Variants in OR5H15 observed in about 807,000 individuals in gnomAD.
OR5H15 encodes olfactory receptor family 5 subfamily H member 15.
For synonymous variants in OR5H15, 153 were observed against 129.1 expected (o/e 1.19, Z -1.26); for missense variants, 405 against 366.1 (o/e 1.11, Z -0.87).
rs149765840 is a variant in OR5H15, at chr3:98,169,030, G to A, written c.331G>A (p.Glu111Lys). 1.3e-3 allele frequency: 2,134 copies of A among 1,613,636 alleles called. 9 individuals are homozygous for A. Among genetic ancestry groups the A allele is most frequent in the Non-Finnish European group, 9.0e-4 (1,067 of 1,179,668 alleles). Reference protein sequence around the residue: ...FFSIAIGVTTECFLLATMAYD... With the variant: ...FFSIAIGVTTKCFLLATMAYD... ...TTCCATTGCAATTGGCGTAACCACA[G>A]AATGTTTTCTCTTGGCAACAATGGC... Residue 111 changes from glutamate to lysine, a missense_variant, in exon 2 of 2, where the codon GAA (glutamate) becomes AAA (lysine). Transcript: ENST00000641450.
Position 98,168,874 on chromosome 3 carries a change from A to C in OR5H15, c.175A>C (p.Met59Leu). ...GAAAGACCCTCACCTTCATATCCCA[A>C]TGTACTTACTCCTTGGGAATTTAGC... is the stretch of plus-strand genomic sequence containing the variant. The part of the protein sequence containing the change: ...IWKDPHLHIP[M>L]YLLLGNLAFV... The change falls in exon 2 of 2, where the codon ATG (methionine) becomes CTG (leucine). Residue 59 changes from methionine to leucine, a missense_variant. Physicochemically the swap from Met to Leu is conservative, Grantham distance 15. Transcript: ENST00000641450. 1 of 1,613,414 alleles carries C rather than the reference A, an allele frequency of 6.2e-7. No homozygotes were observed. Among genetic ancestry groups the C allele is most frequent in the Non-Finnish European group, 8.5e-7 (1 of 1,179,538 alleles).
intron 1 of OR5H15, among the ~76,000 whole-genome samples, chr3:98,167,333 T>C (rs200716992): frequency 6.6e-6 from 1 of 152,006 alleles, no homozygotes; most frequent in Non-Finnish European, 1.5e-5. Context: ...TCCTGGTATG[T>C]CCACCTTGAT....
In OR5H15 at chr3:98,169,535, C is replaced by G. The variant is rs1379804884; in HGVS notation, c.836C>G (p.Thr279Ser). 2 of 1,612,848 alleles carry G rather than the reference C, an allele frequency of 1.2e-6. No individual in the cohort carries two copies. Among genetic ancestry groups the G allele is most frequent in the Admixed American group, 1.7e-5 (1 of 59,896 alleles). ...GQNMVEPLFY[T>S]VIIPLLNPII... is the part of the protein sequence containing the mutation. Reference sequence around the variant, plus strand: ...AATATGGTGGAGCCTCTATTCTACACTGTCATCATTCCTTTGTTAAATCCT... The same window carrying G: ...AATATGGTGGAGCCTCTATTCTACAGTGTCATCATTCCTTTGTTAAATCCT... The change falls in exon 2 of 2, where the codon ACT becomes AGT. Residue 279 changes from threonine (T) to serine (S), a missense_variant. By Grantham distance (58) the Thr-to-Ser change is moderately conservative. Transcript: ENST00000641450.
At position 98,169,554 on chromosome 3, in the gene OR5H15, A is replaced by G; in HGVS notation, c.855A>G (p.Leu285=). Residue 285 remains leucine (L), a synonymous_variant, in exon 2 of 2, where the codon TTA becomes TTG. Coordinates refer to ENST00000641450, the MANE Select transcript of OR5H15 (RefSeq NM_001005515.2). Reference sequence around the variant, plus strand: ...TCTACACTGTCATCATTCCTTTGTTAAATCCTATCATCTACAGTCTGAGAA... The same window carrying G: ...TCTACACTGTCATCATTCCTTTGTTGAATCCTATCATCTACAGTCTGAGAA... ...PLFYTVIIPL[L]NPIIYSLRNK... 6.2e-7 allele frequency: 1 copy of G among 1,612,322 alleles called. No individual in the cohort carries two copies. Among genetic ancestry groups the G allele is most frequent in the Non-Finnish European group, 8.5e-7 (1 of 1,178,596 alleles).
chr3:98,168,942 G>A lies in OR5H15; in HGVS notation c.243G>A (p.Met81Ile), dbSNP rs1206850152. Residue 81 changes from methionine to isoleucine, a missense_variant, in exon 2 of 2, where the codon ATG becomes ATA. Physicochemically the swap from Met to Ile is conservative, Grantham distance 10. Coordinates refer to ENST00000641450, the MANE Select transcript of OR5H15 (RefSeq NM_001005515.2). Reference protein sequence around the residue: ...AWISSTVTPKMLNNFLAKSKM... With the variant: ...AWISSTVTPKILNNFLAKSKM... ...TATCATCCACAGTGACCCCAAAGAT[G>A]CTGAATAACTTCTTAGCTAAGAGTA... 6 of 1,613,400 alleles carry A rather than the reference G, an allele frequency of 3.7e-6. No individual in the cohort carries two copies. Among genetic ancestry groups the A allele is most frequent in the East Asian group, 4.5e-5 (2 of 44,838 alleles).
Position 98,168,687 on chromosome 3 carries a change from A to G in OR5H15, c.-13A>G. On this transcript the variant is annotated 5_prime_UTR_variant, in exon 2 of 2. An upstream start codon of the reference 5' UTR is lost. Transcript: ENST00000641450. ...TTTGTTGCATTTTATTTTAGAGGAC[A>G]TGCAGTGAGGACATGGAAGAGGAAA... 7 of 1,611,074 alleles carry G rather than the reference A, an allele frequency of 4.3e-6. No individual in the cohort carries two copies. Among genetic ancestry groups the G allele is most frequent in the Non-Finnish European group, 5.9e-6 (7 of 1,178,042 alleles).
At position 98,169,657 on chromosome 3, in the gene OR5H15, T is replaced by A. The variant is rs1288915272; in HGVS notation, c.*16T>A. ...TTCATACTAATATCCTTTTTCTATTTACTAAAATAGTCACAAAATTACGCA... is the reference window on the plus strand; with the variant it reads ...TTCATACTAATATCCTTTTTCTATTAACTAAAATAGTCACAAAATTACGCA... On this transcript the variant is annotated 3_prime_UTR_variant, in exon 2 of 2. Transcript: ENST00000641450. 1.3e-6 allele frequency: 2 copies of A among 1,542,482 alleles called. No homozygotes were observed. The highest frequency in any genetic ancestry group is 1.8e-6 in the Non-Finnish European group (2 of 1,125,314).
At position 98,169,124 on chromosome 3, in the gene OR5H15, T is replaced by A. The variant is rs754897196; in HGVS notation, c.425T>A (p.Ile142Asn). 12 of 1,613,594 alleles carry A rather than the reference T, an allele frequency of 7.4e-6. No homozygotes were observed. The highest frequency in any genetic ancestry group is 9.3e-6 in the Non-Finnish European group (11 of 1,179,644). The change falls in exon 2 of 2, where the codon ATC becomes AAC. Residue 142 changes from isoleucine (I) to asparagine (N), a missense_variant. Physicochemically the swap from Ile to Asn is moderately radical, Grantham distance 149. Coordinates refer to ENST00000641450, the MANE Select transcript of OR5H15 (RefSeq NM_001005515.2). ...YPAIMTNGLC[I>N]RLLILSYIAG... is the part of the protein sequence containing the mutation. Reference sequence around the variant, plus strand: ...GCCATTATGACCAATGGACTGTGCATCCGGCTATTAATCTTGTCATATATA... The same window carrying A: ...GCCATTATGACCAATGGACTGTGCAACCGGCTATTAATCTTGTCATATATA...
At position 98,169,392 on chromosome 3, in the gene OR5H15, T is replaced by A. The variant is rs1197070892; in HGVS notation, c.693T>A (p.Asp231Glu). 1 of 1,613,440 alleles carries A rather than the reference T, an allele frequency of 6.2e-7. No individual in the cohort carries two copies. Among genetic ancestry groups the A allele is most frequent in the South Asian group, 1.1e-5 (1 of 91,064 alleles). Residue 231 changes from aspartate to glutamate, a missense_variant, in exon 2 of 2, where the codon GAT becomes GAA. Coordinates refer to ENST00000641450, the MANE Select transcript of OR5H15 (RefSeq NM_001005515.2). ...VLFTVLEKKS[D>E]KGVRKAFSTC... ...TCACAGTCTTAGAAAAGAAATCTGA[T>A]AAGGGTGTAAGGAAAGCCTTTTCCA...
chr3:98,168,568 C>A (rs1318099413), intron 1 of OR5H15, 114 bp from the exon 2 acceptor site: 7 of 1,197,926 alleles, frequency 5.8e-6, no homozygotes, highest in Non-Finnish European at 8.2e-6. Flanking sequence ...TAGGACTGAT[C>A]AAAAAATTGA....
chr3:98,167,362 C>A (rs1182076475), intron 1 of OR5H15, among the ~76,000 whole-genome samples: 1 of 144,876 alleles, frequency 6.9e-6, no homozygotes, highest in East Asian at 1.9e-4. Flanking sequence ...AAACCAAAAT[C>A]TTTTGTCCCT....
chr3:98,166,702 A>T lies in OR5H15; in HGVS notation c.-148A>T, dbSNP rs1047720749. 5 of 152,160 alleles carry T rather than the reference A, an allele frequency of 3.3e-5. No individual in the cohort carries two copies. The highest frequency in any genetic ancestry group is 1.2e-4 in the African/African-American group (5 of 41,460). The allele number at this position is 152,160 out of a possible 1,614,324, so 9.4% of individuals were successfully genotyped here. On this transcript the variant is annotated 5_prime_UTR_variant, in exon 1 of 2. Transcript: ENST00000641450. ...CATTTTTCTATGCTTGGAAAATGAA[A>T]CCTTCAAAAAGCATGAGTACGTAAT...
rs1708759908 is a variant in OR5H15, at chr3:98,168,900, T to G, written c.201T>G (p.Ala67=). 2 of 1,613,460 alleles carry G rather than the reference T, an allele frequency of 1.2e-6. No homozygotes were observed. The highest frequency in any genetic ancestry group is 2.2e-5 in the East Asian group (1 of 44,846). ...IPMYLLLGNL[A]FVDAWISSTV... ...TGTACTTACTCCTTGGGAATTTAGCTTTTGTGGATGCTTGGATATCATCCA... is the reference window on the plus strand; with the variant it reads ...TGTACTTACTCCTTGGGAATTTAGCGTTTGTGGATGCTTGGATATCATCCA... Residue 67 remains alanine, a synonymous_variant, in exon 2 of 2, where the codon GCT becomes GCG. Transcript: ENST00000641450.
In OR5H15 at chr3:98,169,522, C is replaced by G; in HGVS notation, c.823C>G (p.Pro275Ala). ...PQADGQNMVEPLFYTVIIPLL... is the reference protein window; with the variant it reads ...PQADGQNMVEALFYTVIIPLL... ...AGCAGATGGTCAAAATATGGTGGAG[C>G]CTCTATTCTACACTGTCATCATTCC... Residue 275 changes from proline to alanine, a missense_variant, in exon 2 of 2, where the codon CCT becomes GCT. Physicochemically the swap from Pro to Ala is conservative, Grantham distance 27. Transcript: ENST00000641450. 2 of 1,613,114 alleles carry G rather than the reference C, an allele frequency of 1.2e-6. No individual in the cohort carries two copies. The highest frequency in any genetic ancestry group is 1.7e-6 in the Non-Finnish European group (2 of 1,179,336).
chr3:98,167,754 A>G (rs569694925), intron 1 of OR5H15, among the ~76,000 whole-genome samples: 11 of 152,202 alleles, frequency 7.2e-5, no homozygotes, highest in African/African-American at 2.4e-4. Flanking sequence ...GGCTCATATT[A>G]TGATCGGAAA....
rs563530376 is a variant in OR5H15, at chr3:98,168,613, T to C, written c.-18-69T>C. On this transcript the variant is annotated intron_variant, in intron 1 of 1. Coordinates refer to ENST00000641450, the MANE Select transcript of OR5H15 (RefSeq NM_001005515.2). ...GATCATTTTAGGGTTTATTTCAACA[T>C]CTCTTCCCCAATTTCAACTCATAAT... The C allele has an allele frequency of 4.6e-6, 7 of 1,535,382 alleles. No homozygotes were observed. The African/African-American group carries it at 6.9e-5, about 15-fold the overall frequency.
At position 98,169,636 on chromosome 3, in the gene OR5H15, T is replaced by C. The variant is rs777022612; in HGVS notation, c.937T>C (p.Tyr313His). The C allele has an allele frequency of 1.1e-5, 18 of 1,575,444 alleles. No individual in the cohort carries two copies. In the African/African-American group the frequency reaches 2.2e-4, roughly 19 times the overall value. ...GTTAAAAAGAAATGTTAAGGTTTCATACTAATATCCTTTTTCTATTTACTA... is the reference window on the plus strand; with the variant it reads ...GTTAAAAAGAAATGTTAAGGTTTCACACTAATATCCTTTTTCTATTTACTA... ...KMLKRNVKVS[Y>H] Residue 313 changes from tyrosine to histidine, a missense_variant, in exon 2 of 2, where the codon TAC becomes CAC. Tyr to His is a moderately conservative substitution (Grantham distance 83, BLOSUM62 2). Coordinates refer to ENST00000641450, the MANE Select transcript of OR5H15 (RefSeq NM_001005515.2).
rs990085390 is a variant in OR5H15 at position 98,169,719 on chromosome 3, A to G, written c.*78A>G. ...CCTATGTTGTTTCCAGTGTTCAAAC[A>G]TTTTTGCAAGTATAACTGTCCTAGC... is the stretch of plus-strand genomic sequence containing the variant. On this transcript the variant is annotated 3_prime_UTR_variant, in exon 2 of 2. Coordinates refer to ENST00000641450, the MANE Select transcript of OR5H15 (RefSeq NM_001005515.2). 7 of 1,085,076 alleles carry G rather than the reference A, an allele frequency of 6.5e-6. No homozygotes were observed. The highest frequency in any genetic ancestry group is 9.6e-6 in the Non-Finnish European group (7 of 730,924). The allele number at this position is 1,085,076 out of a possible 1,614,324, so 67.2% of individuals were successfully genotyped here. A position where few individuals can be genotyped will look rare whatever the true frequency, so the allele number is the denominator to read the frequency against.
rs765417283 is a variant in OR5H15, at chr3:98,169,590, C to T, written c.891C>T (p.Val297=). The stretch of plus-strand genomic sequence containing the variant: ...TCTACAGTCTGAGAAATAAGCAAGT[C>T]ATAGTTTCATTCATAAAAATGTTAA... ...PIIYSLRNKQ[V]IVSFIKMLKR... The change falls in exon 2 of 2, where the codon GTC becomes GTT. Residue 297 remains valine, a synonymous_variant. Transcript: ENST00000641450. The T allele has an allele frequency of 1.3e-5, 21 of 1,606,276 alleles. No homozygotes were observed. In the Admixed American group the frequency reaches 1.8e-4, roughly 14 times the overall value.
Sources: gnomAD v4.1 joint callset for allele counts (sites outside exome capture counted in the v4.1 genomes callset) on GRCh38, gnomAD v4.1.1 for gene constraint, MANE v1.5 for transcripts, NCBI Gene and HGNC (gene_info 2026-07-23, HGNC 2026-07-21) for gene names.